The following KLRK1 variants were observed in gnomAD, a reference collection of about 807,000 sequenced individuals.
The protein encoded by KLRK1 is killer cell lectin like receptor K1, also known as NKG2-D type II integral membrane protein.
A neutral mutation model predicts 31.3 loss-of-function variants in KLRK1; 40 were observed. The observed-to-expected ratio is 1.28, with a 90% CI of 0.99 to 1.67. The LOEUF (loss-of-function observed/expected upper bound fraction) is 1.67. KLRK1 is among the 40% of genes most tolerant of loss of function. The pLI is 0.00. For missense variants in KLRK1, 251 were observed against 260.0 expected, an observed-to-expected ratio of 0.97 and a Z score of 0.24; for synonymous variants, 77 against 77.3, an observed-to-expected ratio of 1.00 and a Z score of 0.02.
In KLRK1 at chr12:10,376,669, A is replaced by T. The variant is rs929580007; in HGVS notation, c.533+1463T>A. Among the ~76,000 whole-genome samples the T allele has an allele frequency of 2.0e-5, 3 of 152,328 alleles. No individual in the cohort carries two copies. In the South Asian group the frequency reaches 6.2e-4, roughly 32 times the overall value. On this transcript the variant is annotated intron_variant, in intron 7 of 7. Coordinates refer to ENST00000240618, the MANE Select transcript of KLRK1 (RefSeq NM_007360.4). The stretch of plus-strand genomic sequence containing the variant: ...AGTAAATAATAAAGATCAAAGCAGA[A>T]ATCAGTGAGAAGAAAATTTTTACCT...
In KLRK1 at chr12:10,388,757, T is replaced by G; in HGVS notation, c.40+14A>C. 6.2e-7 allele frequency: 1 copy of G among 1,612,824 alleles called. No individual in the cohort carries two copies. Among genetic ancestry groups the G allele is most frequent in the African/African-American group, 1.4e-5 (1 of 73,980 alleles). ...ATAAAAACAAAACTACACACTTATG[T>G]GGTAAAAACATACCCCAGCTGTGTC... On this transcript the variant is annotated intron_variant, in intron 2 of 7. Coordinates refer to ENST00000240618, the MANE Select transcript of KLRK1 (RefSeq NM_007360.4).
chr12:10,374,930 G>A (rs1378422129), intron 7 of KLRK1, among the ~76,000 whole-genome samples: 1 of 152,130 alleles, frequency 6.6e-6, no homozygotes, highest in Non-Finnish European at 1.5e-5. Flanking sequence ...TAAACAGAAA[G>A]TTAGTATGCT....
chr12:10,378,647 T>A lies in KLRK1; in HGVS notation c.336A>T (p.Gln112His). 6.2e-7 allele frequency: 1 copy of A among 1,610,106 alleles called. No individual in the cohort carries two copies. Among genetic ancestry groups the A allele is most frequent in the Non-Finnish European group, 8.5e-7 (1 of 1,179,162 alleles). The change falls in exon 6 of 8, where the codon CAA becomes CAT. Residue 112 changes from glutamine (Q) to histidine (H), a missense_variant. Physicochemically the swap from Gln to His is conservative, Grantham distance 24. Transcript: ENST00000240618. ...NWICYKNNCY[Q>H]FFDESKNWYE... ...ACCAGTTTTTACTCTCATCAAAAAATTGGTAGCAGTTATTTTTGTAACATA... is the reference window on the plus strand; with the variant it reads ...ACCAGTTTTTACTCTCATCAAAAAAATGGTAGCAGTTATTTTTGTAACATA...
At chr12:10,381,454 A>G (rs1231044182) in intron 3 of KLRK1, among the ~76,000 whole-genome samples, 2 of 152,192 alleles carry the variant, frequency 1.3e-5, no homozygotes, top group African/African-American at 4.8e-5. Flanking sequence ...AAAATACACA[A>G]AAGTATAAAA....
chr12:10,388,423 C>A (rs985921683), intron 2 of KLRK1, among the ~76,000 whole-genome samples: 2 of 152,028 alleles, frequency 1.3e-5, no homozygotes, highest in Non-Finnish European at 2.9e-5. Flanking sequence ...GAAAAAGAAA[C>A]TAAACTAAAC....
Position 10,373,205 on chromosome 12 carries a change from C to T in KLRK1, c.560G>A (p.Gly187Glu). The change falls in exon 8 of 8, where the codon GGA becomes GAA. Residue 187 changes from glycine to glutamate, a missense_variant. Transcript: ENST00000240618. ...GCTCGAGGCATAGAGTGCACAGTCT[C>T]CCTTCTGCATTTCAATTATTGTTAG... is the stretch of plus-strand genomic sequence containing the variant. ...NLLTIIEMQK[G>E]DCALYASSFK... 1 of 1,601,008 alleles carries T rather than the reference C, an allele frequency of 6.2e-7. No homozygotes were observed. Among genetic ancestry groups the T allele is most frequent in the Non-Finnish European group, 8.5e-7 (1 of 1,176,384 alleles).
At chr12:10,373,695 A>AGT (rs10537864) in intron 7 of KLRK1, among the ~76,000 whole-genome samples, 28 of 147,004 alleles carry the variant, frequency 1.9e-4, no homozygotes, top group South Asian at 8.4e-4. Flanking sequence ...AGTGTGTATA[A>AGT]GTGTGTGTGT....
chr12:10,388,421 A>G (rs1027359301), intron 2 of KLRK1, among the ~76,000 whole-genome samples: 2 of 152,194 alleles, frequency 1.3e-5, no homozygotes, highest in Non-Finnish European at 2.9e-5. Context: ...TAGAAAAAGA[A>G]ACTAAACTAA....
chr12:10,379,688 G>C lies in KLRK1; in HGVS notation c.241+12C>G. On this transcript the variant is annotated intron_variant, in intron 4 of 7. Coordinates refer to ENST00000240618, the MANE Select transcript of KLRK1 (RefSeq NM_007360.4). ...TGACAATGTTGCAATCTACTTCTCT[G>C]TTGTCACTTACAGTTTAGGAATACA... 1 of 1,590,034 alleles carries C rather than the reference G, an allele frequency of 6.3e-7. No homozygotes were observed. Among genetic ancestry groups the C allele is most frequent in the South Asian group, 1.2e-5 (1 of 84,650 alleles).
chr12:10,386,957 T>C lies in KLRK1; in HGVS notation c.94A>G (p.Thr32Ala), dbSNP rs199875572. ...GGACATCTTTGCTTTTGCCATCGTG[T>C]TGAAAAATCACTCTTCTTCAGATCC... ...NLDLKKSDFS[T>A]RWQKQRCPVV... The change falls in exon 3 of 8, where the codon ACA (threonine) becomes GCA (alanine). Residue 32 changes from threonine (T) to alanine (A), a missense_variant. Transcript: ENST00000240618. 69 of 1,611,824 alleles carry C rather than the reference T, an allele frequency of 4.3e-5. No homozygotes were observed. The highest frequency in any genetic ancestry group is 5.7e-5 in the Non-Finnish European group (67 of 1,178,998).
rs1250771064 is a variant in KLRK1 at position 10,378,279 on chromosome 12, T to C, written c.430-44A>G. ...AAACTATAAGTAAAATCAGTGTTGATAATTTTAGTAAACGCAAGACCATAA... is the reference window on the plus strand; with the variant it reads ...AAACTATAAGTAAAATCAGTGTTGACAATTTTAGTAAACGCAAGACCATAA... On this transcript the variant is annotated intron_variant, in intron 6 of 7. Transcript: ENST00000240618. The C allele has an allele frequency of 5.0e-6, 8 of 1,586,834 alleles. No individual in the cohort carries two copies. The African/African-American group carries it at 8.1e-5, about 16-fold the overall frequency.
chr12:10,384,425 T>C (rs955154099), intron 3 of KLRK1, among the ~76,000 whole-genome samples: 1 of 151,746 alleles, frequency 6.6e-6, no homozygotes, highest in African/African-American at 2.4e-5. Flanking sequence ...TAAAACAGAA[T>C]AGACAACCCA....
chr12:10,388,234 T>C (rs1033660051), intron 2 of KLRK1, among the ~76,000 whole-genome samples: 2 of 152,154 alleles, frequency 1.3e-5, no homozygotes, highest in Admixed American at 6.5e-5. Context: ...GATGAAGAAA[T>C]TGAATGCTAG....
At chr12:10,376,281 A>G (rs894481761) in intron 7 of KLRK1, among the ~76,000 whole-genome samples, 2 of 130,578 alleles carry the variant, frequency 1.5e-5, no homozygotes, top group Admixed American at 1.7e-4. Context: ...TTAAAAACAC[A>G]CTATAGTCTA....
Position 10,373,109 on chromosome 12 carries a change from C to T in KLRK1, c.*5G>A. ...CCTGGCTTTTATTGAGATGGTTGAT[C>T]ATCTTTACACAGTCCTTTGCATGCA... On this transcript the variant is annotated 3_prime_UTR_variant, in exon 8 of 8. Transcript: ENST00000240618. 1.2e-6 allele frequency: 2 copies of T among 1,609,708 alleles called. No homozygotes were observed. Among genetic ancestry groups the T allele is most frequent in the South Asian group, 1.1e-5 (1 of 90,394 alleles).
chr12:10,377,583 CTA>C (rs1446521203), intron 7 of KLRK1, among the ~76,000 whole-genome samples: 1 of 28,246 alleles, frequency 3.5e-5, no homozygotes, highest in East Asian at 1.0e-3. Flanking sequence ...GCAAACTAAT[CTA>C]AAGTGACAGA....
Position 10,373,154 on chromosome 12 carries a change from G to A in KLRK1, c.611C>T (p.Ser204Leu). Residue 204 changes from serine (S) to leucine (L), a missense_variant, in exon 8 of 8, where the codon TCA (serine) becomes TTA (leucine). Coordinates refer to ENST00000240618, the MANE Select transcript of KLRK1 (RefSeq NM_007360.4). ...SSFKGYIENC[S>L]TPNTYICMQR... ...CATGCAGATGTACGTATTTGGAGTT[G>A]AACAGTTTTCTATATAGCCTTTAAA... 6.2e-7 allele frequency: 1 copy of A among 1,612,004 alleles called. No homozygotes were observed. Among genetic ancestry groups the A allele is most frequent in the Non-Finnish European group, 8.5e-7 (1 of 1,179,348 alleles).
Position 10,372,908 on chromosome 12 carries a change from TA to T in KLRK1, c.*205del. 3.9e-6 allele frequency: 2 copies of T among 516,010 alleles called. No individual in the cohort carries two copies. Among genetic ancestry groups the T allele is most frequent in the East Asian group, 7.8e-5 (2 of 25,546 alleles). 32.0% of individuals were successfully genotyped at this position (516,010 alleles called of 1,614,324 possible). A position where few individuals can be genotyped will look rare whatever the true frequency, so the allele number is the denominator to read the frequency against. On this transcript the variant is annotated 3_prime_UTR_variant, in exon 8 of 8. Transcript: ENST00000240618. ...GCCTTGGGGATATCTGAATTGCCTT[TA>T]GGATCTCTCTTCTTTTGTCTTGGAG...
Position 10,385,393 on chromosome 12 carries a change from C to CACACACAG in KLRK1, c.148+1509_148+1510insCTGTGTGT, listed in dbSNP as rs1333088787. 2.0e-5 allele frequency among the ~76,000 whole-genome samples: 3 copies of CACACACAG among 149,074 alleles called. No homozygotes were observed. The East Asian group carries it at 5.9e-4, about 29-fold the overall frequency. The stretch of plus-strand genomic sequence containing the variant: ...ACACACACACACACACACACACACA[C>CACACACAG]ACAGAGGAATACCATTCAGTCATAA... On this transcript the variant is annotated intron_variant, in intron 3 of 7. Coordinates refer to ENST00000240618, the MANE Select transcript of KLRK1 (RefSeq NM_007360.4).
Sources: allele counts gnomAD v4.1 joint callset (sites outside exome capture counted in the v4.1 genomes callset), GRCh38; gene constraint gnomAD v4.1.1; transcripts MANE v1.5; gene names NCBI Gene and HGNC (gene_info 2026-07-23, HGNC 2026-07-21).